FBXL17: variants seen among roughly 807,000 people sequenced by gnomAD.
FBXL17 encodes F-box/LRR-repeat protein 17.
In FBXL17, 22 loss-of-function variants were observed where a neutral mutation model predicts 66.2. The ratio of observed to expected loss-of-function variants is 0.33; its 90% CI spans 0.24 to 0.47. The LOEUF is 0.47. Among genes scored for constraint, FBXL17 ranks in the 20% least tolerant of loss-of-function variants. The pLI is 1.00. For missense variants in FBXL17, 878 were observed against 948.2 expected (o/e 0.93, Z 0.97); for synonymous variants, 474 against 400.5 (o/e 1.18, Z -2.19).
chr5:108,262,626 T>C (rs991889570), intron 4 of FBXL17, among the ~76,000 whole-genome samples: 8 of 152,230 alleles, frequency 5.3e-5, no homozygotes, highest in South Asian at 2.1e-4. Flanking sequence ...CAGCTCATTA[T>C]AGGAGGCTAC....
At chr5:108,039,386 A>G (rs80115460) in intron 6 of FBXL17, among the ~76,000 whole-genome samples, 18,105 of 152,080 alleles carry the variant, frequency 0.12, 1,354 homozygotes, top group East Asian at 0.17. Context: ...TATGTTTTGC[A>G]TTTGATCAAA....
intron 7 of FBXL17, among the ~76,000 whole-genome samples, chr5:107,943,353 T>C (rs535433248): frequency 2.0e-5 from 3 of 152,216 alleles, no homozygotes; most frequent in East Asian, 3.9e-4. Flanking sequence ...GAAAACACCA[T>C]TCATCTATTC....
intron 7 of FBXL17, among the ~76,000 whole-genome samples, chr5:107,981,730 T>A (rs1752838751): frequency 6.6e-6 from 1 of 152,134 alleles, no homozygotes; most frequent in Non-Finnish European, 1.5e-5. Context: ...AAAAAAAACA[T>A]TCTCCTTGAT....
intron 7 of FBXL17, among the ~76,000 whole-genome samples, chr5:107,929,072 G>A (rs1446435022): frequency 1.3e-5 from 2 of 152,158 alleles, no homozygotes; most frequent in East Asian, 3.9e-4. Context: ...ACAAGGCAAT[G>A]AAAGGTGAAA....
intron 4 of FBXL17, chr5:108,298,535 C>G: frequency 1.0e-6 from 1 of 974,604 alleles, no homozygotes; most frequent in Non-Finnish European, 1.2e-6. Flanking sequence ...CCTAATGATG[C>G]TAAGGAGAAA....
At chr5:108,312,798 C>A (rs1378450207) in intron 4 of FBXL17, among the ~76,000 whole-genome samples, 2 of 152,036 alleles carry the variant, frequency 1.3e-5, no homozygotes, top group East Asian at 1.9e-4. Flanking sequence ...TATATTTCTT[C>A]CAGGCCCTCT....
chr5:108,009,302 C>G (rs10037379), intron 7 of FBXL17, among the ~76,000 whole-genome samples: 11,613 of 32,962 alleles, frequency 0.35, 3,637 homozygotes, highest in South Asian at 0.49. Context: ...TATATATATA[C>G]ATATATACAT....
At chr5:107,918,489 G>T (rs1412426055) in intron 7 of FBXL17, among the ~76,000 whole-genome samples, 2 of 152,156 alleles carry the variant, frequency 1.3e-5, no homozygotes, top group East Asian at 3.8e-4. Context: ...TGAGTAGCTT[G>T]TATAAACTCT....
chr5:108,235,046 G>A (rs985285147), intron 4 of FBXL17, among the ~76,000 whole-genome samples: 2 of 152,118 alleles, frequency 1.3e-5, no homozygotes, highest in African/African-American at 4.8e-5. Context: ...TGTAATCTGT[G>A]CTGAAAGATA....
intron 7 of FBXL17, among the ~76,000 whole-genome samples, chr5:107,904,948 T>C (rs61125751): frequency 0.27 from 40,394 of 150,760 alleles, 5,570 homozygotes; most frequent in Middle Eastern, 0.41. Flanking sequence ...AGGAGGAGGG[T>C]GAAGGTGGGA....
chr5:108,308,035 G>T (rs1172087874), intron 4 of FBXL17, among the ~76,000 whole-genome samples: 3 of 152,028 alleles, frequency 2.0e-5, no homozygotes, highest in East Asian at 3.9e-4. Context: ...CTGCCTCACA[G>T]ATTCAGGTTC....
At chr5:108,300,846 A>C (rs1457621108) in intron 4 of FBXL17, among the ~76,000 whole-genome samples, 2 of 151,768 alleles carry the variant, frequency 1.3e-5, no homozygotes, top group Non-Finnish European at 3.0e-5. Flanking sequence ...AGTTCCAAAA[A>C]ACTGATGACT....
At chr5:108,066,045 T>C (rs1465079840) in intron 6 of FBXL17, among the ~76,000 whole-genome samples, 1 of 151,996 alleles carries the variant, frequency 6.6e-6, no homozygotes, top group Non-Finnish European at 1.5e-5. Context: ...TTTCATGGAC[T>C]CCCCTCCTGA....
At chr5:108,031,738 A>G (rs1176079953) in intron 6 of FBXL17, among the ~76,000 whole-genome samples, 1 of 152,184 alleles carries the variant, frequency 6.6e-6, no homozygotes, top group Non-Finnish European at 1.5e-5. Flanking sequence ...GTAATAAAAC[A>G]GAGATGATAC....
intron 7 of FBXL17, among the ~76,000 whole-genome samples, chr5:107,961,153 T>A (rs1751887449): frequency 6.6e-6 from 1 of 152,048 alleles, no homozygotes; most frequent in African/African-American, 2.4e-5. Context: ...CATGGGAACT[T>A]TAGGTGCTGT....
At chr5:108,338,234 C>T (rs906973910) in intron 4 of FBXL17, among the ~76,000 whole-genome samples, 3 of 151,960 alleles carry the variant, frequency 2.0e-5, no homozygotes, top group African/African-American at 7.2e-5. Context: ...AACCTCTCGG[C>T]GTTCACTTGG....
intron 4 of FBXL17, among the ~76,000 whole-genome samples, chr5:108,284,894 C>T (rs1032054810): frequency 1.3e-5 from 2 of 151,920 alleles, no homozygotes; most frequent in Middle Eastern, 3.4e-3. Context: ...ATGAACTCTT[C>T]ATGAAAGATT....
chr5:108,374,755 A>G (rs1749303789), intron 1 of FBXL17, among the ~76,000 whole-genome samples: 1 of 152,176 alleles, frequency 6.6e-6, no homozygotes, highest in Admixed American at 6.5e-5. Context: ...AAATCTGGAA[A>G]TTTCACAAAT....
intron 6 of FBXL17, among the ~76,000 whole-genome samples, chr5:108,119,168 C>T (rs1324618208): frequency 1.3e-5 from 2 of 152,104 alleles, no homozygotes; most frequent in African/African-American, 2.4e-5. Context: ...TGTGACATTC[C>T]AATAGCCTCT....
Sources: gnomAD v4.1 joint callset for allele counts (sites outside exome capture counted in the v4.1 genomes callset) on GRCh38, gnomAD v4.1.1 for gene constraint, MANE v1.5 for transcripts, NCBI Gene and HGNC (gene_info 2026-07-23, HGNC 2026-07-21) for gene names.